LMAN1L: variants seen among roughly 807,000 people sequenced by gnomAD.
LMAN1L encodes protein ERGIC-53-like.
Under a neutral mutation model 58.3 loss-of-function variants are expected in LMAN1L, and 60 were observed. The ratio of observed to expected loss-of-function variants is 1.03; its 90% CI spans 0.84 to 1.27. The LOEUF is 1.27. Ranked by LOEUF, LMAN1L falls within the 50% of genes most tolerant of loss-of-function variation. The probability of loss-of-function intolerance (pLI) is 0.00; values close to 1 mark genes in which losing one functional copy is unlikely to be tolerated. For missense variants in LMAN1L, 629 were observed against 674.0 expected (o/e 0.93, Z 0.74); for synonymous variants, 280 against 271.6 (o/e 1.03, Z -0.31).
chr15:74,824,756 G>T, intron 13 of LMAN1L: 1 of 358,736 alleles, frequency 2.8e-6, no homozygotes. Context: ...AGGAAGCTGA[G>T]GGGCTACGAG....
intron 6 of LMAN1L, chr15:74,819,593 C>A: frequency 2.0e-6 from 1 of 498,036 alleles, no homozygotes; most frequent in East Asian, 3.1e-5. Context: ...CACGGAGGGT[C>A]CCACAGCGGG....
rs756816804 is a variant in LMAN1L, at chr15:74,816,654, TG to T, written c.463del (p.Ala155ProfsTer48). On this transcript the variant is annotated frameshift_variant, in exon 4 of 14. Coordinates refer to ENST00000309664, the MANE Select transcript of LMAN1L (RefSeq NM_021819.3). LOFTEE classifies it high-confidence loss of function. ...DTQDSPAIRV[L>X]ASDGHIPSEQ... ...CAGGACAGTCCTGCCATCCGTGTGC[TG>T]GCCAGCGACGGGCACATCCCCTCTG... 6.2e-7 allele frequency: 1 copy of T among 1,613,884 alleles called. No individual in the cohort carries two copies. Among genetic ancestry groups the T allele is most frequent in the Non-Finnish European group, 8.5e-7 (1 of 1,179,876 alleles).
In LMAN1L at chr15:74,814,372, G is replaced by GTTTTT. The variant is rs1331712044; in HGVS notation, c.175+1344_175+1348dup. On this transcript the variant is annotated intron_variant, in intron 1 of 13. Coordinates refer to ENST00000309664, the MANE Select transcript of LMAN1L (RefSeq NM_021819.3). ...CCACACGCAGCTAATTTTTGTTTTT[G>GTTTTT]TTTTTGTTTTTTTTTTTTTGAGACG... 7.5e-4 allele frequency among the ~76,000 whole-genome samples: 82 copies of GTTTTT among 109,492 alleles called. 22 individuals carry two copies. Among genetic ancestry groups the GTTTTT allele is most frequent in the Non-Finnish European group, 1.1e-3 (60 of 54,286 alleles). 71.8% of individuals were successfully genotyped at this position (109,492 alleles called of 152,430 possible). A position where few individuals can be genotyped will look rare whatever the true frequency, so the allele number is the denominator to read the frequency against.
chr15:74,823,514 A>T (rs368491214), intron 11 of LMAN1L, 45 bp from the exon 12 acceptor site: 1 of 1,606,866 alleles, frequency 6.2e-7, no homozygotes, highest in African/African-American at 1.3e-5. Context: ...GGGTGGAAGC[A>T]GAAGAGGTAA....
chr15:74,819,436 T>G, intron 6 of LMAN1L, 164 bp downstream of exon 6: 1 of 855,086 alleles, frequency 1.2e-6, no homozygotes, highest in South Asian at 2.0e-5. Flanking sequence ...CTTGCAAGTC[T>G]CAAATGGGAT....
In LMAN1L at chr15:74,821,918, G is replaced by T; in HGVS notation, c.1131+18G>T. 1 of 1,569,054 alleles carries T rather than the reference G, an allele frequency of 6.4e-7. No individual in the cohort carries two copies. Among genetic ancestry groups the T allele is most frequent in the Non-Finnish European group, 8.8e-7 (1 of 1,139,606 alleles). On this transcript the variant is annotated intron_variant, in intron 10 of 13. Coordinates refer to ENST00000309664, the MANE Select transcript of LMAN1L (RefSeq NM_021819.3). ...TCAATAAGGTAGGGACCCAAACACT[G>T]GGTGTTGACCAGCACTGGCCCCAGC...
intron 12 of LMAN1L, 165 bp downstream of exon 12, chr15:74,823,847 G>A: frequency 1.5e-6 from 1 of 688,708 alleles, no homozygotes. Flanking sequence ...GTGTGTCCGT[G>A]CATACGTGCC....
At chr15:74,820,354 G>A (rs2063910699) in intron 7 of LMAN1L, 3 of 614,492 alleles carry the variant, frequency 4.9e-6, no homozygotes, top group East Asian at 2.7e-5. Context: ...GGGGGCTGTG[G>A]GAGCACAGAG....
intron 13 of LMAN1L, 140 bp from the exon 14 acceptor site, chr15:74,825,336 G>A (rs985400956): frequency 1.7e-5 from 15 of 884,690 alleles, no homozygotes; most frequent in Non-Finnish European, 2.1e-5. Flanking sequence ...TATGCAGCGG[G>A]CCAAAGGAGC....
At chr15:74,817,196 C>G (rs994729271) in intron 4 of LMAN1L, among the ~76,000 whole-genome samples, 4 of 152,196 alleles carry the variant, frequency 2.6e-5, no homozygotes, top group Non-Finnish European at 5.9e-5. Context: ...AACCTTCTCT[C>G]GGCTCATAAC....
At chr15:74,821,984 G>C in intron 10 of LMAN1L, 84 bp downstream of exon 10, 2 of 886,206 alleles carry the variant, frequency 2.3e-6, no homozygotes, top group Non-Finnish European at 3.7e-6. Context: ...AGAGGACTGG[G>C]CTGGGCCTCT....
chr15:74,820,910 G>A, intron 8 of LMAN1L, 143 bp downstream of exon 8: 1 of 1,358,562 alleles, frequency 7.4e-7, no homozygotes, highest in Non-Finnish European at 9.9e-7. Flanking sequence ...CAAGTGTTCT[G>A]TGCTATCCCC....
At chr15:74,816,993 G>A (rs531161442) in intron 4 of LMAN1L, among the ~76,000 whole-genome samples, 4 of 152,180 alleles carry the variant, frequency 2.6e-5, no homozygotes, top group Non-Finnish European at 5.9e-5. Flanking sequence ...TTACAGGTCA[G>A]GACATTGAGC....
At chr15:74,820,230 C>T in intron 7 of LMAN1L, 131 bp downstream of exon 7, 2 of 870,858 alleles carry the variant, frequency 2.3e-6, no homozygotes, top group South Asian at 1.4e-5. Context: ...CAGGCCAGAC[C>T]TTGTGCAGGG....
At chr15:74,819,622 A>G (rs2063907876) in intron 6 of LMAN1L, 2 of 484,650 alleles carry the variant, frequency 4.1e-6, no homozygotes, top group East Asian at 6.6e-5. Flanking sequence ...GGGCAACCAG[A>G]GCGTGGGAGT....
At chr15:74,821,019 G>A in intron 8 of LMAN1L, 56 bp from the exon 9 acceptor site, 1 of 1,502,884 alleles carries the variant, frequency 6.7e-7, no homozygotes, top group Non-Finnish European at 8.9e-7. Flanking sequence ...AGATAAGATA[G>A]GCTGTGTTAC....
chr15:74,820,833 C>G, intron 8 of LMAN1L, 66 bp downstream of exon 8: 5 of 1,551,424 alleles, frequency 3.2e-6, no homozygotes, highest in Non-Finnish European at 4.3e-6. Context: ...ACCCTTATGA[C>G]CAGGGGTCCT....
chr15:74,819,233 G>A lies in LMAN1L; in HGVS notation c.679G>A (p.Gly227Ser), dbSNP rs202021967. 5.0e-6 allele frequency: 8 copies of A among 1,614,202 alleles called. No homozygotes were observed. In the East Asian group the frequency reaches 1.3e-4, roughly 27 times the overall value. Reference protein sequence around the residue: ...DVGPLLLVPGGFFGVSAATGT... With the variant: ...DVGPLLLVPGSFFGVSAATGT... ...GGGGCCCCTGCTTTTGGTCCCTGGAGGTTTCTTTGGGGTCTCAGCAGCCAC... is the reference window on the plus strand; with the variant it reads ...GGGGCCCCTGCTTTTGGTCCCTGGAAGTTTCTTTGGGGTCTCAGCAGCCAC... Residue 227 changes from glycine to serine, a missense_variant, in exon 6 of 14, where the codon GGT becomes AGT. Around this residue, in one of 3 missense-constraint regions of LMAN1L, gnomAD observed 573 missense variants for 597.3 expected, o/e 0.96. Transcript: ENST00000309664.
In LMAN1L at chr15:74,813,043, G is replaced by T; in HGVS notation, c.175+14G>T. 5 of 1,605,852 alleles carry T rather than the reference G, an allele frequency of 3.1e-6. No homozygotes were observed. Among genetic ancestry groups the T allele is most frequent in the Non-Finnish European group, 4.3e-6 (5 of 1,175,378 alleles). On this transcript the variant is annotated intron_variant, in intron 1 of 13. Coordinates refer to ENST00000309664, the MANE Select transcript of LMAN1L (RefSeq NM_021819.3). ...GCCATCATGGAGGTGAGGGGCAGGG[G>T]TGGGGACCAGCTATGCCCAGGGTCC... is the stretch of plus-strand genomic sequence containing the variant.
Sources: allele counts gnomAD v4.1 joint callset (sites outside exome capture counted in the v4.1 genomes callset), GRCh38; gene constraint gnomAD v4.1.1; regional missense constraint gnomAD v4.1.1; transcripts MANE v1.5; gene names NCBI Gene and HGNC (gene_info 2026-07-23, HGNC 2026-07-21).